The following UPP2 variants were observed in gnomAD, a reference collection of about 807,000 sequenced individuals.
UPP2 encodes UPase 2.
A neutral mutation model predicts 26.7 loss-of-function variants in UPP2; 23 were observed. The observed-to-expected ratio is 0.86, with a 90% CI of 0.62 to 1.22. The LOEUF (loss-of-function observed/expected upper bound fraction) is 1.22, where lower values mean the gene tolerates loss of function less well. UPP2 is among the 50% of genes most tolerant of loss of function. The probability of loss-of-function intolerance (pLI) is 0.00; values close to 1 mark genes in which losing one functional copy is unlikely to be tolerated. For missense variants in UPP2, 387 were observed against 396.7 expected (o/e 0.98, Z 0.21); for synonymous variants, 127 against 141.3 (o/e 0.90, Z 0.72).
chr2:158,043,414 CAGATGGGCAG>C (rs1383163741), intron 3 of UPP2, among the ~76,000 whole-genome samples: 1 of 152,168 alleles, frequency 6.6e-6, no homozygotes, highest in Non-Finnish European at 1.5e-5. Flanking sequence ...TCAAGCCTGG[CAGATGGGCAG>C]AGAGAGAGAA....
chr2:158,070,475 T>A (rs768494815), intron 3 of UPP2, among the ~76,000 whole-genome samples: 53 of 152,264 alleles, frequency 3.5e-4, no homozygotes, highest in Non-Finnish European at 6.8e-4. Flanking sequence ...GGTTTCCTTA[T>A]GATCACATAG....
intron 2 of UPP2, among the ~76,000 whole-genome samples, chr2:158,003,714 T>TA (rs5835683): frequency 0.6 from 78,744 of 132,100 alleles, 22,127 homozygotes; most frequent in South Asian, 0.72. Context: ...TCTCAAAAAA[T>TA]AAAAAAAAAA....
At chr2:158,128,673 T>G (rs1205513895) in intron 6 of UPP2, among the ~76,000 whole-genome samples, 1 of 152,202 alleles carries the variant, frequency 6.6e-6, no homozygotes, top group Non-Finnish European at 1.5e-5. Context: ...CTTTGCACCC[T>G]GCCTGCCATT....
intron 2 of UPP2, among the ~76,000 whole-genome samples, chr2:158,000,982 A>C (rs1020244535): frequency 2.0e-5 from 3 of 152,254 alleles, no homozygotes; most frequent in African/African-American, 7.2e-5. Flanking sequence ...ATCTGAGCAT[A>C]GTACCTCCAG....
intron 3 of UPP2, chr2:158,015,959 G>A (rs1022278438): frequency 8.4e-6 from 3 of 357,618 alleles, no homozygotes; most frequent in African/African-American, 4.3e-5. Context: ...TATGAAAAAG[G>A]ACTAACGCAT....
intron 3 of UPP2, among the ~76,000 whole-genome samples, chr2:158,080,112 A>T (rs1682697490): frequency 2.6e-5 from 4 of 152,136 alleles, no homozygotes; most frequent in Admixed American, 2.6e-4. Context: ...ACACCATTTC[A>T]TGCTTCTTTA....
intron 3 of UPP2, among the ~76,000 whole-genome samples, chr2:158,095,374 A>G (rs1012652407): frequency 1.3e-5 from 2 of 152,146 alleles, no homozygotes; most frequent in Non-Finnish European, 2.9e-5. Context: ...CAACAACCTG[A>G]TGACTAGCAG....
chr2:158,056,829 G>T (rs368078085), intron 3 of UPP2, among the ~76,000 whole-genome samples: 2 of 152,190 alleles, frequency 1.3e-5, no homozygotes, highest in South Asian at 2.1e-4. Flanking sequence ...AGTACTGGGA[G>T]CTAGAATGTC....
At chr2:158,062,476 G>A (rs1682367528) in intron 3 of UPP2, among the ~76,000 whole-genome samples, 1 of 151,836 alleles carries the variant, frequency 6.6e-6, no homozygotes. Flanking sequence ...TTTTAACCAG[G>A]GGTTTGCATC....
intron 3 of UPP2, among the ~76,000 whole-genome samples, chr2:158,027,794 C>T (rs769887619): frequency 3.9e-5 from 6 of 152,322 alleles, no homozygotes; most frequent in East Asian, 1.9e-4. Context: ...GAAATCTAGG[C>T]GGAGGTTTCC....
At chr2:158,003,282 A>G (rs1339011421) in intron 2 of UPP2, among the ~76,000 whole-genome samples, 1 of 152,120 alleles carries the variant, frequency 6.6e-6, no homozygotes, top group Non-Finnish European at 1.5e-5. Context: ...AGTGCTGGAG[A>G]CCAGTGGGAG....
intron 3 of UPP2, among the ~76,000 whole-genome samples, chr2:158,019,617 G>C (rs1175053014): frequency 6.8e-6 from 1 of 147,350 alleles, no homozygotes; most frequent in Non-Finnish European, 1.5e-5. Context: ...CCTCCAAAGT[G>C]GAAGGAAATA....
chr2:158,026,071 A>C (rs1683828680), intron 3 of UPP2, among the ~76,000 whole-genome samples: 1 of 152,080 alleles, frequency 6.6e-6, no homozygotes, highest in Non-Finnish European at 1.5e-5. Context: ...AGCCTTCTTC[A>C]TTGTATCTCC....
At chr2:158,058,394 CT>C (rs1682292337) in intron 3 of UPP2, among the ~76,000 whole-genome samples, 1 of 127,962 alleles carries the variant, frequency 7.8e-6, no homozygotes, top group Admixed American at 8.5e-5. Flanking sequence ...CTCTCTCTCT[CT>C]CTCTCTCTCT....
chr2:158,109,045 G>T (rs1407820632), intron 2 of UPP2, among the ~76,000 whole-genome samples: 1 of 151,784 alleles, frequency 6.6e-6, no homozygotes, highest in African/African-American at 2.4e-5. Flanking sequence ...CTCATAGATG[G>T]TTTCCTCAGA....
chr2:158,125,842 C>T (rs1017757032), intron 6 of UPP2, among the ~76,000 whole-genome samples: 1 of 152,184 alleles, frequency 6.6e-6, no homozygotes, highest in African/African-American at 2.4e-5. Flanking sequence ...TGCAGGGACA[C>T]CTGGATTCAG....
chr2:158,059,582 A>G (rs1337962867), intron 3 of UPP2, among the ~76,000 whole-genome samples: 1 of 152,240 alleles, frequency 6.6e-6, no homozygotes, highest in Non-Finnish European at 1.5e-5. Flanking sequence ...AGAGGTCTTA[A>G]TGACTTGACT....
intron 2 of UPP2, among the ~76,000 whole-genome samples, chr2:158,013,251 C>T (rs1194057525): frequency 6.6e-6 from 1 of 152,164 alleles, no homozygotes; most frequent in Non-Finnish European, 1.5e-5. Flanking sequence ...TGACTTCGGC[C>T]TCCCAAAGTG....
At chr2:158,026,914 C>T (rs1683841549) in intron 3 of UPP2, among the ~76,000 whole-genome samples, 1 of 152,116 alleles carries the variant, frequency 6.6e-6, no homozygotes, top group South Asian at 2.1e-4. Context: ...AGCGGAAACC[C>T]CTGATAAAAC....
Sources: allele counts gnomAD v4.1 joint callset (sites outside exome capture counted in the v4.1 genomes callset), GRCh38; gene constraint gnomAD v4.1.1; transcripts MANE v1.5; gene names NCBI Gene and HGNC (gene_info 2026-07-23, HGNC 2026-07-21).